TAF4B: variants seen among roughly 807,000 people sequenced by gnomAD.
TAF4B encodes the protein TATA-box binding protein associated factor 4b, also known as transcription initiation factor TFIID subunit 4B.
A neutral mutation model predicts 86.4 loss-of-function variants in TAF4B; 38 were observed. The ratio of observed to expected loss-of-function variants is 0.44; its 90% CI spans 0.34 to 0.58. The LOEUF (loss-of-function observed/expected upper bound fraction) is 0.58. Among genes scored for constraint, TAF4B ranks in the 20% least tolerant of loss-of-function variants. The probability of loss-of-function intolerance (pLI) is 0.02; values close to 1 mark genes in which losing one functional copy is unlikely to be tolerated. For synonymous variants in TAF4B, 388 were observed against 391.2 expected, an observed-to-expected ratio of 0.99 and a Z score of 0.10; for missense variants, 988 against 1,027.6, an observed-to-expected ratio of 0.96 and a Z score of 0.53.
intron 13 of TAF4B, among the ~76,000 whole-genome samples, chr18:26,347,290 A>T (rs2057207386): frequency 6.6e-6 from 1 of 152,126 alleles, no homozygotes; most frequent in African/African-American, 2.4e-5. Flanking sequence ...CTCACAATCA[A>T]AAATTAAGGG....
At chr18:26,259,993 G>C (rs1210618940) in intron 1 of TAF4B, among the ~76,000 whole-genome samples, 1 of 152,084 alleles carries the variant, frequency 6.6e-6, no homozygotes, top group East Asian at 1.9e-4. Context: ...GTGTGAGATG[G>C]TATCTCATTG....
chr18:26,286,157 C>T lies in TAF4B; in HGVS notation c.1248C>T (p.Gly416=), dbSNP rs1297525706. ...GAGTTGTGACACTTCATTCTGTGGG[C>T]CCAACTGCTGCAACAGGAGGAACAA... ...KAGVVTLHSV[G]PTAATGGTTA... Residue 416 remains glycine, a synonymous_variant, in exon 7 of 15, where the codon GGC becomes GGT. Transcript: ENST00000269142. 1.9e-6 allele frequency: 3 copies of T among 1,614,172 alleles called. No individual in the cohort carries two copies. The East Asian group carries it at 6.7e-5, about 36-fold the overall frequency.
Position 26,226,614 on chromosome 18 carries a change from TC to T in TAF4B, c.-315del. 1 of 248,590 alleles carries T rather than the reference TC, an allele frequency of 4.0e-6. No individual in the cohort carries two copies. The highest frequency in any genetic ancestry group is 7.6e-6 in the Non-Finnish European group (1 of 130,870). 15.4% of individuals were successfully genotyped at this position (248,590 alleles called of 1,614,324 possible). On this transcript the variant is annotated 5_prime_UTR_variant, in exon 1 of 15. Coordinates refer to ENST00000269142, the MANE Select transcript of TAF4B (RefSeq NM_005640.3). ...CCTTCCGGGAGCCGCAAGTCCAGGCTCCCCCGCAGCGGGACCCGAGCCTGAG... is the reference window on the plus strand; with the variant it reads ...CCTTCCGGGAGCCGCAAGTCCAGGCTCCCCGCAGCGGGACCCGAGCCTGAG...
intron 13 of TAF4B, among the ~76,000 whole-genome samples, chr18:26,339,166 C>T (rs1347392008): frequency 6.6e-6 from 1 of 152,120 alleles, no homozygotes; most frequent in African/African-American, 2.4e-5. Flanking sequence ...ACATTATAAG[C>T]GTCCTCTCTC....
chr18:26,258,529 A>G (rs2056118558), intron 1 of TAF4B, among the ~76,000 whole-genome samples: 1 of 152,180 alleles, frequency 6.6e-6, no homozygotes. Context: ...ATGAAAGAAG[A>G]AGTAATAATA....
rs2056519314 is a variant in TAF4B at position 26,286,152 on chromosome 18, G to C, written c.1243G>C (p.Val415Leu). 2 of 1,614,074 alleles carry C rather than the reference G, an allele frequency of 1.2e-6. No homozygotes were observed. The highest frequency in any genetic ancestry group is 1.7e-6 in the Non-Finnish European group (2 of 1,180,038). ...AGCTGGAGTTGTGACACTTCATTCT[G>C]TGGGCCCAACTGCTGCAACAGGAGG... ...AKAGVVTLHSVGPTAATGGTT... is the reference protein window; with the variant it reads ...AKAGVVTLHSLGPTAATGGTT... Residue 415 changes from valine to leucine, a missense_variant, in exon 7 of 15, where the codon GTG becomes CTG. This residue lies in a region of TAF4B where 747 missense variants were observed against 737.9 expected (regional missense o/e 1.01). Transcript: ENST00000269142.
intron 13 of TAF4B, among the ~76,000 whole-genome samples, chr18:26,346,797 A>ATATATATATATG (rs1555623653): frequency 1.4e-4 from 3 of 21,384 alleles, no homozygotes; most frequent in African/African-American, 3.2e-4. Context: ...ATATATATAT[A>ATATATATATATG]TGTGTATATA....
intron 9 of TAF4B, among the ~76,000 whole-genome samples, chr18:26,314,266 G>T (rs748938587): frequency 1.2e-4 from 19 of 152,064 alleles, no homozygotes; most frequent in Non-Finnish European, 1.9e-4. Flanking sequence ...TATAACACTG[G>T]TAAGATGCTT....
chr18:26,256,684 A>G (rs1021622585), intron 1 of TAF4B, among the ~76,000 whole-genome samples: 2 of 152,092 alleles, frequency 1.3e-5, no homozygotes, highest in Non-Finnish European at 1.5e-5. Flanking sequence ...TAGTTGCATC[A>G]CATAGATTTT....
chr18:26,258,268 C>G (rs1039306802), intron 1 of TAF4B, among the ~76,000 whole-genome samples: 2 of 149,996 alleles, frequency 1.3e-5, no homozygotes, highest in Admixed American at 1.3e-4. Flanking sequence ...AAAAAAAAAG[C>G]TGAGGGAAGA....
chr18:26,242,481 T>C (rs1261193342), intron 1 of TAF4B, among the ~76,000 whole-genome samples: 2 of 151,794 alleles, frequency 1.3e-5, no homozygotes, highest in African/African-American at 4.9e-5. Flanking sequence ...TGTGTGTCTC[T>C]GCACGTGAGA....
chr18:26,229,612 C>T (rs1255029147), intron 1 of TAF4B, among the ~76,000 whole-genome samples: 2 of 151,600 alleles, frequency 1.3e-5, no homozygotes, highest in Non-Finnish European at 2.9e-5. Context: ...AAGCAATTCT[C>T]CCGTCTCAGC....
intron 10 of TAF4B, among the ~76,000 whole-genome samples, chr18:26,319,000 C>A (rs1239784203): frequency 6.6e-6 from 1 of 151,616 alleles, no homozygotes; most frequent in Non-Finnish European, 1.5e-5. Context: ...TAGAGACCAG[C>A]CTGGGCAACA....
intron 14 of TAF4B, among the ~76,000 whole-genome samples, chr18:26,364,420 C>G (rs749392849): frequency 4.2e-5 from 6 of 141,864 alleles, no homozygotes; most frequent in African/African-American, 1.5e-4. Flanking sequence ...GATATTGATA[C>G]AGTAAAATAA....
chr18:26,364,607 T>A (rs2057357111), intron 14 of TAF4B, among the ~76,000 whole-genome samples: 1 of 152,164 alleles, frequency 6.6e-6, no homozygotes, highest in African/African-American at 2.4e-5. Flanking sequence ...CTTTCAAATA[T>A]TTTGCATGCC....
chr18:26,367,754 T>A (rs1212876652), intron 14 of TAF4B, among the ~76,000 whole-genome samples: 1 of 152,228 alleles, frequency 6.6e-6, no homozygotes, highest in Non-Finnish European at 1.5e-5. Context: ...TTCACTTGTT[T>A]GTTATAAATA....
intron 1 of TAF4B, among the ~76,000 whole-genome samples, chr18:26,260,522 C>T (rs2056149210): frequency 6.6e-6 from 1 of 152,196 alleles, no homozygotes; most frequent in South Asian, 2.1e-4. Context: ...TTCCCAGCAC[C>T]ATTTGTTAAA....
Position 26,254,482 on chromosome 18 carries a change from T to C in TAF4B, c.344-10688T>C, listed in dbSNP as rs544888076. On this transcript the variant is annotated intron_variant, in intron 1 of 14. Coordinates refer to ENST00000269142, the MANE Select transcript of TAF4B (RefSeq NM_005640.3). ...AAGGTCAACTGAAGTAATCCGGAGC[T>C]GGAACTGAATTGTGCAGATTTTCAA... Among the ~76,000 whole-genome samples the C allele has an allele frequency of 2.6e-5, 4 of 152,270 alleles. No individual in the cohort carries two copies. The South Asian group carries it at 6.2e-4, about 24-fold the overall frequency.
In TAF4B at chr18:26,286,314, G is replaced by T; in HGVS notation, c.1405G>T (p.Val469Leu). Reference protein sequence around the residue: ...GTAVTLSLPAVTFGETSGAAI... With the variant: ...GTAVTLSLPALTFGETSGAAI... ...AGCAGTAACACTGTCCCTTCCAGCA[G>T]TAACTTTTGGAGAAACTTCAGGTGC... Residue 469 changes from valine (V) to leucine (L), a missense_variant, in exon 7 of 15, where the codon GTA becomes TTA. Coordinates refer to ENST00000269142, the MANE Select transcript of TAF4B (RefSeq NM_005640.3). 2 of 1,614,262 alleles carry T rather than the reference G, an allele frequency of 1.2e-6. No individual in the cohort carries two copies. Among genetic ancestry groups the T allele is most frequent in the Middle Eastern group, 3.3e-4 (2 of 6,062 alleles).
Sources: gnomAD v4.1 joint callset for allele counts (sites outside exome capture counted in the v4.1 genomes callset) on GRCh38, gnomAD v4.1.1 for gene constraint, gnomAD v4.1.1 regional missense constraint, MANE v1.5 for transcripts, NCBI Gene and HGNC (gene_info 2026-07-23, HGNC 2026-07-21) for gene names.